Variants in TBC1D19 observed in about 807,000 individuals in gnomAD.
The protein encoded by TBC1D19 is TBC1 domain family, member 19.
TBC1D19 carries 60 observed loss-of-function variants against 89.0 expected under a neutral mutation model. That is an observed-to-expected ratio of 0.67 (90% CI 0.55 to 0.84). TBC1D19 has a LOEUF of 0.84. Among genes scored for constraint, TBC1D19 ranks in the 40% least tolerant of loss-of-function variants. TBC1D19 has a pLI of 0.00. For synonymous variants in TBC1D19, 189 were observed against 199.7 expected (o/e 0.95, Z 0.45); for missense variants, 500 against 610.8 (o/e 0.82, Z 1.91).
chr4:26,733,984 G>C (rs1717818150), intron 15 of TBC1D19, among the ~76,000 whole-genome samples: 1 of 152,180 alleles, frequency 6.6e-6, no homozygotes, highest in Admixed American at 6.5e-5. Flanking sequence ...AAAATTTGAA[G>C]AAATTCATGA....
rs557957047 is a variant in TBC1D19, at chr4:26,616,206, A to G, written c.218+1753A>G. Among the ~76,000 whole-genome samples the G allele has an allele frequency of 8.5e-5, 13 of 152,320 alleles. No individual in the cohort carries two copies. In the South Asian group the frequency reaches 2.5e-3, roughly 29 times the overall value. On this transcript the variant is annotated intron_variant, in intron 3 of 20. Coordinates refer to ENST00000264866, the MANE Select transcript of TBC1D19 (RefSeq NM_018317.4). ...ACTAGATAGGAGGACATAGCTTAGT[A>G]TGAGAGCAAAATTAGTCTTTCAGCT...
At chr4:26,666,995 T>C (rs935386107) in intron 9 of TBC1D19, among the ~76,000 whole-genome samples, 4 of 151,970 alleles carry the variant, frequency 2.6e-5, no homozygotes, top group Admixed American at 2.6e-4. Flanking sequence ...TGCCACTGGC[T>C]AACTGTGTAA....
At chr4:26,641,246 C>T (rs1406646937) in intron 7 of TBC1D19, among the ~76,000 whole-genome samples, 1 of 152,242 alleles carries the variant, frequency 6.6e-6, no homozygotes, top group Non-Finnish European at 1.5e-5. Flanking sequence ...GCAATATTTG[C>T]TGTTCTGCAG....
chr4:26,716,647 A>G (rs1716632542), intron 13 of TBC1D19, among the ~76,000 whole-genome samples: 1 of 152,136 alleles, frequency 6.6e-6, no homozygotes, highest in African/African-American at 2.4e-5. Context: ...TTATCTTACA[A>G]TAGTGAAAAG....
the TBC1D19 span, among the ~76,000 whole-genome samples, chr4:26,828,877 T>A: frequency 6.6e-6 from 1 of 152,330 alleles, no homozygotes; most frequent in East Asian, 1.9e-4. Flanking sequence ...TGAGTACATG[T>A]TAGATTTTAC....
At chr4:26,792,407 AT>A in the TBC1D19 span, among the ~76,000 whole-genome samples, 292 of 152,334 alleles carry the variant, frequency 1.9e-3, 4 homozygotes, top group East Asian at 0.041. Flanking sequence ...GATTGGGTGG[AT>A]TCAAGAAAGA....
rs146191214 is a variant in TBC1D19, at chr4:26,653,201, C to G, written c.481-6396C>G. ...TTCTGAGTGAGTTTCTTAATCCTGA[C>G]TTCTAGTTTGATTGCACTGTGGTCT... On this transcript the variant is annotated intron_variant, in intron 7 of 20. Coordinates refer to ENST00000264866, the MANE Select transcript of TBC1D19 (RefSeq NM_018317.4). 2.3e-3 allele frequency among the ~76,000 whole-genome samples: 354 copies of G among 152,224 alleles called. No homozygotes were observed. The East Asian group carries it at 0.035, about 15-fold the overall frequency.
the TBC1D19 span, among the ~76,000 whole-genome samples, chr4:26,779,675 T>G: frequency 6.6e-6 from 1 of 152,150 alleles, no homozygotes; most frequent in Non-Finnish European, 1.5e-5. Flanking sequence ...GCCAGCAGAA[T>G]AAGAAGGGCC....
At chr4:26,689,850 G>A (rs1714122126) in intron 13 of TBC1D19, among the ~76,000 whole-genome samples, 1 of 152,062 alleles carries the variant, frequency 6.6e-6, no homozygotes, top group Non-Finnish European at 1.5e-5. Context: ...ACCCTGTGGT[G>A]GCCTTGAAAT....
At chr4:26,751,220 T>G (rs1053175092) in intron 19 of TBC1D19, among the ~76,000 whole-genome samples, 1 of 152,174 alleles carries the variant, frequency 6.6e-6, no homozygotes, top group African/African-American at 2.4e-5. Context: ...TATGAGCACA[T>G]AAGCATTTTG....
In TBC1D19 at chr4:26,607,353, A is replaced by G. The variant is rs186308826; in HGVS notation, c.100-5816A>G. 2.1e-3 allele frequency among the ~76,000 whole-genome samples: 318 copies of G among 152,274 alleles called. 1 individual carries two copies. The highest frequency in any genetic ancestry group is 7.2e-3 in the African/African-American group (301 of 41,554). ...TTTAGTCCATTGCCATCTGGGACAT[A>G]TTATATTTTATTGCACAGCAACTTT... is the stretch of plus-strand genomic sequence containing the variant. On this transcript the variant is annotated intron_variant, in intron 1 of 20. Transcript: ENST00000264866.
At chr4:26,644,675 A>G (rs1443772547) in intron 7 of TBC1D19, among the ~76,000 whole-genome samples, 2 of 152,238 alleles carry the variant, frequency 1.3e-5, no homozygotes, top group Non-Finnish European at 2.9e-5. Context: ...AGAAGATCCC[A>G]TCATCTCAGC....
the TBC1D19 span, among the ~76,000 whole-genome samples, chr4:26,854,129 T>G: frequency 6.6e-6 from 1 of 152,244 alleles, no homozygotes; most frequent in Non-Finnish European, 1.5e-5. Flanking sequence ...GACATTAAAT[T>G]TTGAGGCAAG....
At chr4:26,657,570 G>T (rs1028573919) in intron 7 of TBC1D19, among the ~76,000 whole-genome samples, 1 of 152,144 alleles carries the variant, frequency 6.6e-6, no homozygotes, top group African/African-American at 2.4e-5. Flanking sequence ...CTTTATAGTA[G>T]AATGATTTAT....
chr4:26,800,248 A>G, the TBC1D19 span, among the ~76,000 whole-genome samples: 1 of 152,170 alleles, frequency 6.6e-6, no homozygotes. Flanking sequence ...GAGTGAGAAC[A>G]TGCAGTGTTT....
In TBC1D19 at chr4:26,619,228, G is replaced by A. The variant is rs566351717; in HGVS notation, c.219-1385G>A. 4.1e-4 allele frequency among the ~76,000 whole-genome samples: 59 copies of A among 144,780 alleles called. 1 individual carries two copies. In the South Asian group the frequency reaches 0.013, roughly 31 times the overall value. The allele number at this position is 144,780 out of a possible 152,430, so 95.0% of individuals were successfully genotyped here. On this transcript the variant is annotated intron_variant, in intron 3 of 20. Coordinates refer to ENST00000264866, the MANE Select transcript of TBC1D19 (RefSeq NM_018317.4). ...ATTTCTTTTTTTTTTTTTTTGAGAC[G>A]GAATCTTGCTCTGTTGCCCAGGCTG...
chr4:26,793,089 G>T, the TBC1D19 span, among the ~76,000 whole-genome samples: 1 of 152,180 alleles, frequency 6.6e-6, no homozygotes, highest in Non-Finnish European at 1.5e-5. Flanking sequence ...AAGACTTGGA[G>T]GACCAAGTAA....
chr4:26,595,247 CTT>C (rs1560404157), intron 1 of TBC1D19, among the ~76,000 whole-genome samples: 3 of 152,202 alleles, frequency 2.0e-5, no homozygotes, highest in Non-Finnish European at 4.4e-5. Flanking sequence ...AGTCAGGTGT[CTT>C]TTCAGATCTT....
intron 13 of TBC1D19, among the ~76,000 whole-genome samples, chr4:26,699,378 G>T (rs1478065088): frequency 6.6e-6 from 1 of 152,188 alleles, no homozygotes; most frequent in African/African-American, 2.4e-5. Context: ...TGCTGGAGAG[G>T]ATGTGGAGAA....
Sources: allele counts gnomAD v4.1 joint callset (sites outside exome capture counted in the v4.1 genomes callset), GRCh38; gene constraint gnomAD v4.1.1; transcripts MANE v1.5; gene names NCBI Gene and HGNC (gene_info 2026-07-23, HGNC 2026-07-21).